The following MYRIP variants were observed in gnomAD, a reference collection of about 807,000 sequenced individuals.
The protein encoded by MYRIP is rab effector MyRIP.
Under a neutral mutation model 98.0 loss-of-function variants are expected in MYRIP, and 49 were observed. The ratio of observed to expected loss-of-function variants is 0.50; its 90% CI spans 0.40 to 0.63. MYRIP has a LOEUF of 0.63. MYRIP is among the 30% of genes least tolerant of loss of function. The pLI is 0.00. For missense variants in MYRIP, 1,004 were observed against 1,058.2 expected (o/e 0.95, Z 0.71); for synonymous variants, 404 against 409.5 (o/e 0.99, Z 0.16).
intron 2 of MYRIP, among the ~76,000 whole-genome samples, chr3:40,026,903 G>A: frequency 6.6e-6 from 1 of 152,072 alleles, no homozygotes; most frequent in Non-Finnish European, 1.5e-5. Flanking sequence ...GAGCTTAAAT[G>A]TTTGGGGTTT....
At chr3:39,920,276 C>T (rs12631602) in intron 2 of MYRIP, among the ~76,000 whole-genome samples, 70,045 of 151,722 alleles carry the variant, frequency 0.46, 16,702 homozygotes, top group African/African-American at 0.57. Context: ...GTTTAGTAAA[C>T]TCAAATGTTT....
chr3:40,011,929 A>G (rs1168758910), intron 2 of MYRIP, among the ~76,000 whole-genome samples: 1 of 152,226 alleles, frequency 6.6e-6, no homozygotes, highest in Non-Finnish European at 1.5e-5. Flanking sequence ...TAAAAGATAT[A>G]AAATGGTGTT....
chr3:39,869,679 T>C (rs1942727171), intron 1 of MYRIP, among the ~76,000 whole-genome samples: 1 of 152,178 alleles, frequency 6.6e-6, no homozygotes, highest in Admixed American at 6.5e-5. Context: ...ATCTGTAACA[T>C]GGGACTATGA....
chr3:40,243,414 A>AG (rs984211951), intron 12 of MYRIP, among the ~76,000 whole-genome samples: 3 of 151,650 alleles, frequency 2.0e-5, no homozygotes, highest in African/African-American at 7.3e-5. Flanking sequence ...AAAAAAAAAA[A>AG]AAAAGTGCAT....
chr3:40,217,318 T>A (rs1952153948), intron 11 of MYRIP, among the ~76,000 whole-genome samples: 2 of 152,122 alleles, frequency 1.3e-5, no homozygotes, highest in Admixed American at 1.3e-4. Flanking sequence ...TGAATAGACA[T>A]CAAAAATTCT....
At chr3:39,897,045 T>A (rs552136185) in intron 1 of MYRIP, among the ~76,000 whole-genome samples, 61 of 152,332 alleles carry the variant, frequency 4.0e-4, no homozygotes, top group Admixed American at 1.6e-3. Context: ...TTGCTTCTTA[T>A]GATAATTAAA....
At chr3:40,196,597 T>A (rs1951400913) in intron 10 of MYRIP, among the ~76,000 whole-genome samples, 1 of 152,240 alleles carries the variant, frequency 6.6e-6, no homozygotes, top group Non-Finnish European at 1.5e-5. Flanking sequence ...TGGGAATTTG[T>A]TGAGACTGCC....
At chr3:40,238,177 T>C (rs1303649128) in intron 12 of MYRIP, among the ~76,000 whole-genome samples, 1 of 152,190 alleles carries the variant, frequency 6.6e-6, no homozygotes, top group Non-Finnish European at 1.5e-5. Context: ...CCCCCATCCT[T>C]CAGCTTTTTA....
intron 3 of MYRIP, among the ~76,000 whole-genome samples, chr3:40,046,753 G>A (rs755081356): frequency 7.0e-4 from 107 of 151,792 alleles, no homozygotes; most frequent in African/African-American, 2.4e-3. Context: ...AAGGGATGGC[G>A]AAATCACTGG....
chr3:39,901,261 T>C (rs972081992), intron 2 of MYRIP, among the ~76,000 whole-genome samples: 1 of 152,226 alleles, frequency 6.6e-6, no homozygotes, highest in Non-Finnish European at 1.5e-5. Context: ...ATAACCAAAG[T>C]GTTAAGTGAA....
chr3:40,201,097 C>T (rs1237340265), intron 10 of MYRIP, among the ~76,000 whole-genome samples: 1 of 152,192 alleles, frequency 6.6e-6, no homozygotes, highest in South Asian at 2.1e-4. Context: ...ATTTATCTGA[C>T]TGCTCAAGGT....
intron 3 of MYRIP, among the ~76,000 whole-genome samples, chr3:40,054,275 T>C (rs1947843124): frequency 6.6e-6 from 1 of 152,158 alleles, no homozygotes; most frequent in African/African-American, 2.4e-5. Flanking sequence ...AAAATGAAGC[T>C]TTACCTTGGT....
At chr3:40,128,908 C>T (rs779684843) in intron 3 of MYRIP, among the ~76,000 whole-genome samples, 12 of 152,154 alleles carry the variant, frequency 7.9e-5, no homozygotes, top group East Asian at 1.9e-4. Flanking sequence ...TTGCTTGGTG[C>T]ACCTTGTATG....
intron 1 of MYRIP, among the ~76,000 whole-genome samples, chr3:39,900,456 A>G (rs1943715474): frequency 6.6e-6 from 1 of 152,076 alleles, no homozygotes; most frequent in African/African-American, 2.4e-5. Flanking sequence ...TCAAAGCACA[A>G]AAGTTTAGAA....
chr3:39,898,510 G>T (rs114883240), intron 1 of MYRIP, among the ~76,000 whole-genome samples: 3 of 152,060 alleles, frequency 2.0e-5, no homozygotes, highest in Admixed American at 2.0e-4. Flanking sequence ...CTAGAAAAAG[G>T]GGGCAGGGAA....
At chr3:39,952,138 A>G (rs1945032416) in intron 2 of MYRIP, among the ~76,000 whole-genome samples, 1 of 152,300 alleles carries the variant, frequency 6.6e-6, no homozygotes. Context: ...TCATATGTAT[A>G]GGATATAATA....
chr3:39,908,379 C>T (rs1278537336), intron 2 of MYRIP, among the ~76,000 whole-genome samples: 3 of 152,166 alleles, frequency 2.0e-5, no homozygotes, highest in African/African-American at 7.2e-5. Flanking sequence ...CCATTACTCA[C>T]TTGCAGATGT....
chr3:39,976,702 A>G (rs1294625911), intron 2 of MYRIP, among the ~76,000 whole-genome samples: 1 of 152,234 alleles, frequency 6.6e-6, no homozygotes, highest in African/African-American at 2.4e-5. Flanking sequence ...ACACCATGGA[A>G]TACTATGCAG....
intron 2 of MYRIP, among the ~76,000 whole-genome samples, chr3:39,914,343 T>C (rs1035488002): frequency 3.3e-5 from 5 of 152,094 alleles, no homozygotes; most frequent in African/African-American, 1.2e-4. Flanking sequence ...TTTTAAGTGC[T>C]ATAAAACAAA....
Sources: gnomAD v4.1 joint callset for allele counts (sites outside exome capture counted in the v4.1 genomes callset) on GRCh38, gnomAD v4.1.1 for gene constraint, MANE v1.5 for transcripts, NCBI Gene and HGNC (gene_info 2026-07-23, HGNC 2026-07-21) for gene names.